Variants in LYPD5 observed in about 807,000 individuals in gnomAD.
LYPD5 encodes the protein ly6/PLAUR domain-containing protein 5.
LYPD5 carries 21 observed loss-of-function variants against 19.1 expected under a neutral mutation model. That is an observed-to-expected ratio of 1.10 (90% CI 0.78 to 1.58). The LOEUF (loss-of-function observed/expected upper bound fraction) is 1.58, where lower values mean the gene tolerates loss of function less well. LYPD5 is among the 40% of genes most tolerant of loss of function. The probability of loss-of-function intolerance (pLI) is 0.00; values close to 1 mark genes in which losing one functional copy is unlikely to be tolerated. For synonymous variants in LYPD5, 128 were observed against 142.7 expected (o/e 0.90, Z 0.74); for missense variants, 287 against 329.8 (o/e 0.87, Z 1.00).
In LYPD5 at chr19:43,798,695, TC is replaced by T. The variant is rs1970172686; in HGVS notation, c.371-95del. The T allele has an allele frequency of 3.2e-6, 5 of 1,583,280 alleles. No homozygotes were observed. In the South Asian group the frequency reaches 3.4e-5, roughly 11 times the overall value. On this transcript the variant is annotated intron_variant, in intron 3 of 4. Transcript: ENST00000377950. Reference sequence around the variant, plus strand: ...CGCCAGAGCCCGCGCCTAGCACGTCTCGGGGGTTGGGATCCTAGCGCGCCAA... The same window carrying T: ...CGCCAGAGCCCGCGCCTAGCACGTCTGGGGGTTGGGATCCTAGCGCGCCAA...
chr19:43,798,728 G>A lies in LYPD5; in HGVS notation c.370+84C>T, dbSNP rs562637148. On this transcript the variant is annotated intron_variant, in intron 3 of 4. Coordinates refer to ENST00000377950, the MANE Select transcript of LYPD5 (RefSeq NM_001031749.3). ...TGGGATCCTAGCGCGCCAAGAGCAG[G>A]CGCCCAGCGGAGGCCACGCCTTCCC... 179 of 1,567,524 alleles carry A rather than the reference G, an allele frequency of 1.1e-4. No individual in the cohort carries two copies. The African/African-American group carries it at 2.1e-3, about 19-fold the overall frequency.
upstream of LYPD5, among the ~76,000 whole-genome samples, chr19:43,805,851 C>CTCTT (rs1267798248): frequency 2.6e-5 from 4 of 152,168 alleles, no homozygotes; most frequent in African/African-American, 9.7e-5. Context: ...GCATCAATAT[C>CTCTT]TCTTTCTTTC....
chr19:43,799,202 T>G, intron 2 of LYPD5: 1 of 581,844 alleles, frequency 1.7e-6, no homozygotes, highest in Non-Finnish European at 2.9e-6. Flanking sequence ...TCTTCCTTGC[T>G]TCCCCATTGT....
chr19:43,803,828 C>T (rs1010570857), upstream of LYPD5, among the ~76,000 whole-genome samples: 4 of 151,930 alleles, frequency 2.6e-5, no homozygotes, highest in Non-Finnish European at 5.9e-5. Flanking sequence ...TTCTCTGCTC[C>T]CCCCGCACCC....
chr19:43,798,681 G>A, intron 3 of LYPD5, 80 bp from the exon 4 acceptor site: 1 of 1,523,042 alleles, frequency 6.6e-7, no homozygotes, highest in Non-Finnish European at 8.9e-7. Flanking sequence ...GCCAGAGCCC[G>A]CGCCTAGCAC....
chr19:43,799,607 C>G, intron 2 of LYPD5, 99 bp downstream of exon 2: 1 of 1,270,270 alleles, frequency 7.9e-7, no homozygotes, highest in Admixed American at 2.6e-5. Flanking sequence ...CTATCTTTAT[C>G]TTTTCATCTT....
chr19:43,810,909 C>T (rs1226566135), intron 1 of LYPD5, among the ~76,000 whole-genome samples: 8 of 151,972 alleles, frequency 5.3e-5, no homozygotes, highest in African/African-American at 1.9e-4. Context: ...GGATTACAGG[C>T]GTGAGCCACT....
At chr19:43,819,593 C>G (rs1395408252) in intron 1 of LYPD5, among the ~76,000 whole-genome samples, 1 of 152,006 alleles carries the variant, frequency 6.6e-6, no homozygotes, top group Admixed American at 6.6e-5. Context: ...ACCCACTAAT[C>G]CCCTAGACCC....
At chr19:43,799,114 T>TTCCCTCCC in intron 2 of LYPD5, 126 bp from the exon 3 acceptor site, 1 of 1,093,736 alleles carries the variant, frequency 9.1e-7, no homozygotes, top group Non-Finnish European at 1.3e-6. Context: ...CCTTCCCTCC[T>TTCCCTCCC]TCCTCTCACC....
intron 1 of LYPD5, among the ~76,000 whole-genome samples, chr19:43,816,016 G>A (rs1304938852): frequency 6.6e-6 from 1 of 150,794 alleles, no homozygotes; most frequent in Admixed American, 6.6e-5. Context: ...TTCCAGGTGT[G>A]AGCCACCACG....
chr19:43,800,540 G>A (rs1970209335), intron 1 of LYPD5, among the ~76,000 whole-genome samples: 1 of 152,112 alleles, frequency 6.6e-6, no homozygotes, highest in Non-Finnish European at 1.5e-5. Flanking sequence ...CACAGAGAGG[G>A]ACCAGATGCA....
intron 1 of LYPD5, among the ~76,000 whole-genome samples, chr19:43,800,590 A>G (rs1019532060): frequency 6.6e-6 from 1 of 152,206 alleles, no homozygotes; most frequent in Non-Finnish European, 1.5e-5. Flanking sequence ...TCACAGAAGC[A>G]CAAATAAAAC....
At chr19:43,801,645 C>A (rs906356351) in intron 1 of LYPD5, among the ~76,000 whole-genome samples, 1 of 152,128 alleles carries the variant, frequency 6.6e-6, no homozygotes, top group Non-Finnish European at 1.5e-5. Context: ...CAGAAACAGA[C>A]CCACAAACGC....
chr19:43,806,565 G>A (rs1329206398), upstream of LYPD5, among the ~76,000 whole-genome samples: 1 of 152,124 alleles, frequency 6.6e-6, no homozygotes, highest in Non-Finnish European at 1.5e-5. Flanking sequence ...AGGAGGCTGA[G>A]GCAAGAGAAT....
At chr19:43,804,146 G>A (rs10402032), upstream of LYPD5, among the ~76,000 whole-genome samples, 6 of 151,902 alleles carry the variant, frequency 3.9e-5, no homozygotes, top group South Asian at 2.1e-4. Flanking sequence ...CCTTCTCTGC[G>A]CCTTTGAAAT....
In LYPD5 at chr19:43,798,140, TCTCCCTCAGACCAGGGTCTTGCCTC is replaced by T. The variant is rs1568402823; in HGVS notation, c.517+290_518-312del. Among the ~76,000 whole-genome samples the T allele has an allele frequency of 4.9e-3, 642 of 131,870 alleles. 1 individual carries two copies. The highest frequency in any genetic ancestry group is 9.1e-3 in the East Asian group (41 of 4,508). 86.5% of individuals were successfully genotyped at this position (131,870 alleles called of 152,430 possible). ...TCCTTCCTCAGAGCAGGGCCAGGCT[TCTCCCTCAGACCAGGGTCTTGCCTC>T]CTCCCTCAGACCAGGGTCATGCCTC... On this transcript the variant is annotated intron_variant, in intron 4 of 4. Transcript: ENST00000377950.
Position 43,797,666 on chromosome 19 carries a change from G to A in LYPD5, c.681C>T (p.Ala227=). ...SMTQPFTSAS[A]TTPPRALQVL... ...CCTGTAGTGCTCGGGGAGGGGTGGTGGCTGAAGCACTGGTGAAGGGCTGGG... is the reference window on the plus strand; with the variant it reads ...CCTGTAGTGCTCGGGGAGGGGTGGTAGCTGAAGCACTGGTGAAGGGCTGGG... The change falls in exon 5 of 5, where the codon GCC becomes GCT. Residue 227 remains alanine, a synonymous_variant. Coordinates refer to ENST00000377950, the MANE Select transcript of LYPD5 (RefSeq NM_001031749.3). The A allele has an allele frequency of 1.2e-6, 2 of 1,613,782 alleles. No homozygotes were observed. The highest frequency in any genetic ancestry group is 1.7e-6 in the Non-Finnish European group (2 of 1,179,878).
intron 1 of LYPD5, among the ~76,000 whole-genome samples, chr19:43,808,298 G>A (rs1970288416): frequency 6.6e-6 from 1 of 152,124 alleles, no homozygotes. Context: ...TAGAGACGGG[G>A]TTTCACCATG....
intron 1 of LYPD5, among the ~76,000 whole-genome samples, chr19:43,819,007 T>A (rs570618322): frequency 6.6e-6 from 1 of 152,292 alleles, no homozygotes; most frequent in Non-Finnish European, 1.5e-5. Context: ...TTTCTATTCT[T>A]GTGTAGTCTT....
Sources: allele counts gnomAD v4.1 joint callset (sites outside exome capture counted in the v4.1 genomes callset), GRCh38; gene constraint gnomAD v4.1.1; transcripts MANE v1.5; gene names NCBI Gene and HGNC (gene_info 2026-07-23, HGNC 2026-07-21).